Variants in RGPD2 observed in about 807,000 individuals in gnomAD.
RGPD2 encodes RANBP2-like and GRIP domain-containing protein 2.
RGPD2 carries 2 observed loss-of-function variants against 36.0 expected under a neutral mutation model. That is an observed-to-expected ratio of 0.06 (90% CI 0.02 to 0.17). The LOEUF (loss-of-function observed/expected upper bound fraction) is 0.17, where lower values mean the gene tolerates loss of function less well. Ranked by LOEUF, RGPD2 falls within the 10% of genes least tolerant of loss-of-function variation. The probability of loss-of-function intolerance (pLI) is 1.00; values close to 1 mark genes in which losing one functional copy is unlikely to be tolerated. For synonymous variants in RGPD2, 19 were observed against 163.8 expected (o/e 0.12, Z 6.75); for missense variants, 40 against 464.3 (o/e 0.09, Z 8.40).
Position 87,758,308 on chromosome 2 carries a change from AAG to A in RGPD2, c.5237-884_5237-883del, listed in dbSNP as rs1558713896. Among the ~76,000 whole-genome samples, 30 of 103,766 alleles carry A rather than the reference AAG, an allele frequency of 2.9e-4. No individual in the cohort carries two copies. The East Asian group carries it at 8.5e-3, about 29-fold the overall frequency. The allele number at this position is 103,766 out of a possible 152,430, so 68.1% of individuals were successfully genotyped here. Reference sequence around the variant, plus strand: ...AAATGGTTTTTTTTATTAGGACTAAAAGAGAGAATGTGTGGAAAGATGTTAGT... The same window carrying A: ...AAATGGTTTTTTTTATTAGGACTAAAAGAGAATGTGTGGAAAGATGTTAGT... On this transcript the variant is annotated intron_variant, in intron 22 of 22. Coordinates refer to ENST00000398146, the MANE Select transcript of RGPD2 (RefSeq NM_001078170.3).
At chr2:87,961,405 G>A in the RGPD2 span, among the ~76,000 whole-genome samples, 4 of 151,778 alleles carry the variant, frequency 2.6e-5, no homozygotes, top group Non-Finnish European at 5.9e-5. Flanking sequence ...CCTGTGCTCT[G>A]AGGGTGTCTT....
At chr2:87,975,147 T>G in the RGPD2 span, among the ~76,000 whole-genome samples, 4 of 152,100 alleles carry the variant, frequency 2.6e-5, no homozygotes, top group East Asian at 7.7e-4. Flanking sequence ...TCCCTTTATA[T>G]GGATGCTCTT....
the RGPD2 span, among the ~76,000 whole-genome samples, chr2:87,973,627 T>G: frequency 1.6e-4 from 22 of 137,328 alleles, no homozygotes; most frequent in Admixed American, 5.4e-4. Flanking sequence ...TGGGGGACTG[T>G]GCTAGCTTTA....
the RGPD2 span, among the ~76,000 whole-genome samples, chr2:87,915,261 C>CGT: frequency 7.0e-4 from 93 of 133,106 alleles, no homozygotes; most frequent in East Asian, 3.9e-3. Flanking sequence ...TAAATATATA[C>CGT]GTGTGTGTGT....
At chr2:87,948,441 G>A in the RGPD2 span, among the ~76,000 whole-genome samples, 3 of 151,442 alleles carry the variant, frequency 2.0e-5, no homozygotes, top group Non-Finnish European at 4.4e-5. Context: ...GAGTGCAATG[G>A]CACAATCTCG....
the RGPD2 span, among the ~76,000 whole-genome samples, chr2:87,897,590 GTA>G: frequency 9.1e-3 from 1,378 of 151,312 alleles, 6 homozygotes; most frequent in Middle Eastern, 0.027. Flanking sequence ...ATTAAGCCCA[GTA>G]TACATTAGCT....
chr2:87,772,986 T>A (rs1201117117), intron 21 of RGPD2, among the ~76,000 whole-genome samples: 32 of 96,026 alleles, frequency 3.3e-4, no homozygotes, highest in African/African-American at 1.3e-3. Flanking sequence ...ATGTTCCCTC[T>A]GCCTTCTACT....
chr2:87,853,019 T>C, the RGPD2 span, among the ~76,000 whole-genome samples: 1 of 152,200 alleles, frequency 6.6e-6, no homozygotes, highest in African/African-American at 2.4e-5. Context: ...CTGCCCTTAG[T>C]AGGCACTTAG....
chr2:87,973,816 C>T, the RGPD2 span, among the ~76,000 whole-genome samples: 5,837 of 148,054 alleles, frequency 0.039, 61 homozygotes, highest in African/African-American at 0.14. Context: ...GTAGAAAGGG[C>T]GCCTAATAAT....
At chr2:87,815,331 A>T (rs866160514) in intron 4 of RGPD2, among the ~76,000 whole-genome samples, 32 of 28,368 alleles carry the variant, frequency 1.1e-3, no homozygotes, top group African/African-American at 3.2e-3. Context: ...CAAATCTGAA[A>T]ATCTGAAATC....
chr2:87,881,329 A>G, the RGPD2 span, among the ~76,000 whole-genome samples: 3 of 152,248 alleles, frequency 2.0e-5, no homozygotes, highest in African/African-American at 7.2e-5. Context: ...CAGTGGGTAC[A>G]CTGTGTGGTG....
At chr2:87,922,305 A>C in the RGPD2 span, among the ~76,000 whole-genome samples, 1 of 151,826 alleles carries the variant, frequency 6.6e-6, no homozygotes, top group African/African-American at 2.4e-5. Context: ...AAAAAAAAAA[A>C]AAAAAAAAAA....
chr2:87,809,503 C>T (rs1686080424), intron 6 of RGPD2, among the ~76,000 whole-genome samples: 2 of 138,316 alleles, frequency 1.4e-5, no homozygotes, highest in Non-Finnish European at 1.6e-5. Context: ...TCCGTCTCTA[C>T]TAAAAATACA....
At chr2:87,769,837 T>G (rs1206471274) in intron 22 of RGPD2, among the ~76,000 whole-genome samples, 1 of 151,926 alleles carries the variant, frequency 6.6e-6, no homozygotes, top group Non-Finnish European at 1.5e-5. Context: ...TCTTCTTTTT[T>G]ATAACTATAA....
At chr2:87,919,853 A>G in the RGPD2 span, among the ~76,000 whole-genome samples, 1 of 151,508 alleles carries the variant, frequency 6.6e-6, no homozygotes, top group Non-Finnish European at 1.5e-5. Context: ...GGAATTGAAT[A>G]TTAGAGAATA....
chr2:87,887,034 T>C, the RGPD2 span, among the ~76,000 whole-genome samples: 1 of 151,620 alleles, frequency 6.6e-6, no homozygotes, highest in Admixed American at 6.6e-5. Flanking sequence ...AATTCAGGTT[T>C]TAAAATGAAA....
chr2:87,860,983 A>C, the RGPD2 span, among the ~76,000 whole-genome samples: 1 of 152,084 alleles, frequency 6.6e-6, no homozygotes, highest in Non-Finnish European at 1.5e-5. Context: ...TTACTACTGT[A>C]TTAATGAGAT....
the RGPD2 span, among the ~76,000 whole-genome samples, chr2:87,961,212 T>C: frequency 6.6e-6 from 1 of 152,206 alleles, no homozygotes; most frequent in Non-Finnish European, 1.5e-5. Context: ...CCTATAGCCA[T>C]GCCAAACAAA....
At chr2:87,872,991 C>G in the RGPD2 span, among the ~76,000 whole-genome samples, 3 of 152,282 alleles carry the variant, frequency 2.0e-5, no homozygotes, top group Non-Finnish European at 4.4e-5. Flanking sequence ...AACTCCTGAC[C>G]TCATGATCCA....
Sources: allele counts gnomAD v4.1 joint callset (sites outside exome capture counted in the v4.1 genomes callset), GRCh38; gene constraint gnomAD v4.1.1; transcripts MANE v1.5; gene names NCBI Gene and HGNC (gene_info 2026-07-23, HGNC 2026-07-21).